Variants in CFAP54 observed in about 807,000 individuals in gnomAD.
CFAP54 encodes cilia- and flagella-associated protein 54.
In CFAP54, 290 loss-of-function variants were observed where a neutral mutation model predicts 370.4. That is an observed-to-expected ratio of 0.78 (90% CI 0.71 to 0.86). The LOEUF (loss-of-function observed/expected upper bound fraction) is 0.86, where lower values mean the gene tolerates loss of function less well. CFAP54 is among the 40% of genes least tolerant of loss of function. CFAP54 has a pLI of 0.00. For synonymous variants in CFAP54, 1,206 were observed against 1,236.5 expected, an observed-to-expected ratio of 0.98 and a Z score of 0.52; for missense variants, 3,399 against 3,528.7, an observed-to-expected ratio of 0.96 and a Z score of 0.93.
chr12:96,656,767 A>G (rs1273977550), intron 36 of CFAP54, among the ~76,000 whole-genome samples: 1 of 152,268 alleles, frequency 6.6e-6, no homozygotes, highest in African/African-American at 2.4e-5. Flanking sequence ...AATAAGGCAT[A>G]GGCATGACTA....
rs1282276089 is a variant in CFAP54, at chr12:96,554,766, C to T, written c.2374C>T (p.His792Tyr). The T allele has an allele frequency of 2.6e-6, 4 of 1,534,694 alleles. No individual in the cohort carries two copies. The highest frequency in any genetic ancestry group is 3.5e-6 in the Non-Finnish European group (4 of 1,146,066). ...GCATCTTGAACTAATTCAAGCTCAGCATCGAATAGCTGTTGTGCTTCTGGA... is the reference window on the plus strand; with the variant it reads ...GCATCTTGAACTAATTCAAGCTCAGTATCGAATAGCTGTTGTGCTTCTGGA... Reference protein sequence around the residue: ...DLHLELIQAQHRIAVVLLDKL... With the variant: ...DLHLELIQAQYRIAVVLLDKL... The change falls in exon 17 of 68, where the codon CAT becomes TAT. Residue 792 changes from histidine to tyrosine, a missense_variant. Around this residue, in one of 3 missense-constraint regions of CFAP54, gnomAD observed 2,796 missense variants for 2,869.7 expected, o/e 0.97. Transcript: ENST00000524981.
chr12:96,572,764 C>T, intron 19 of CFAP54: 3 of 647,846 alleles, frequency 4.6e-6, no homozygotes, highest in Non-Finnish European at 5.7e-6. Flanking sequence ...AGCTCCACTC[C>T]TGGAGATTTC....
chr12:96,653,712 AT>A (rs1449806045), intron 36 of CFAP54, among the ~76,000 whole-genome samples: 64 of 152,136 alleles, frequency 4.2e-4, no homozygotes, highest in African/African-American at 1.5e-3. Flanking sequence ...AAAAGAGCAA[AT>A]TAAATCTAAA....
intron 58 of CFAP54, among the ~76,000 whole-genome samples, chr12:96,760,596 G>T (rs1168102815): frequency 6.6e-6 from 1 of 152,178 alleles, no homozygotes; most frequent in Non-Finnish European, 1.5e-5. Flanking sequence ...GCAGTGGCGT[G>T]ATCTAGGCTC....
At chr12:96,670,421 GT>G (rs1957130859) in intron 39 of CFAP54, among the ~76,000 whole-genome samples, 1 of 152,366 alleles carries the variant, frequency 6.6e-6, no homozygotes, top group African/African-American at 2.4e-5. Context: ...GGAAAAAGAT[GT>G]TGTAAATCTT....
intron 67 of CFAP54, among the ~76,000 whole-genome samples, chr12:96,870,263 G>GAA (rs1229995042): frequency 7.7e-6 from 1 of 129,978 alleles, no homozygotes; most frequent in Non-Finnish European, 1.7e-5. Context: ...CCATCTCAAA[G>GAA]AAAAAAAAAA....
intron 63 of CFAP54, among the ~76,000 whole-genome samples, chr12:96,807,689 T>TA (rs1345889966): frequency 6.6e-6 from 1 of 152,098 alleles, no homozygotes; most frequent in East Asian, 1.9e-4. Context: ...AAGCTGGGAA[T>TA]AGAACTAAGT....
intron 33 of CFAP54, among the ~76,000 whole-genome samples, chr12:96,647,340 G>C (rs57718637): frequency 0.037 from 5,612 of 151,322 alleles, 143 homozygotes; most frequent in African/African-American, 0.077. Flanking sequence ...AGGCGTGGTG[G>C]TGGGCGCCTG....
intron 59 of CFAP54, among the ~76,000 whole-genome samples, chr12:96,764,853 AT>A (rs1958382692): frequency 6.6e-6 from 1 of 152,176 alleles, no homozygotes; most frequent in Non-Finnish European, 1.5e-5. Context: ...ATTTAAAGTG[AT>A]TTATGCATTA....
Position 96,500,830 on chromosome 12 carries a change from A to G in CFAP54, c.318-4A>G. The G allele has an allele frequency of 6.6e-7, 1 of 1,516,868 alleles. No homozygotes were observed. Among genetic ancestry groups the G allele is most frequent in the Non-Finnish European group, 8.8e-7 (1 of 1,137,352 alleles). 94.0% of individuals were successfully genotyped at this position (1,516,868 alleles called of 1,614,324 possible). On this transcript the variant is annotated splice_polypyrimidine_tract_variant and splice_region_variant and intron_variant, in intron 1 of 67. Transcript: ENST00000524981. ...AATGTCGTTTTATTTTATGATTTTT[A>G]CAGTGCCACTTCTTTGTTTAATATC...
chr12:96,554,564 A>C, intron 16 of CFAP54, 112 bp from the exon 17 acceptor site: 1 of 1,184,252 alleles, frequency 8.4e-7, no homozygotes, highest in Non-Finnish European at 1.1e-6. Context: ...AAGTGAGCAG[A>C]ATGTAATGGT....
Position 96,789,914 on chromosome 12 carries a change from C to T in CFAP54, c.8680-2415C>T, listed in dbSNP as rs75754105. Among the ~76,000 whole-genome samples, 981 of 152,240 alleles carry T rather than the reference C, an allele frequency of 6.4e-3. 9 individuals are homozygous for T. Among genetic ancestry groups the T allele is most frequent in the African/African-American group, 0.022 (929 of 41,518 alleles). On this transcript the variant is annotated intron_variant, in intron 62 of 67. Coordinates refer to ENST00000524981, the MANE Select transcript of CFAP54 (RefSeq NM_001306084.2). ...GATTTATATATACATATATAAACTC[C>T]AAGCTTGGCTGATTTTTGTAATAAC... is the stretch of plus-strand genomic sequence containing the variant.
At chr12:96,792,930 C>CTGTGTT (rs1958718062) in intron 63 of CFAP54, among the ~76,000 whole-genome samples, 1 of 151,888 alleles carries the variant, frequency 6.6e-6, no homozygotes, top group Non-Finnish European at 1.5e-5. Flanking sequence ...CTGAGATAAA[C>CTGTGTT]TCAAATTGGT....
intron 58 of CFAP54, among the ~76,000 whole-genome samples, chr12:96,761,928 C>T (rs571823555): frequency 2.2e-4 from 33 of 152,198 alleles, no homozygotes; most frequent in Admixed American, 3.9e-4. Flanking sequence ...CATGTTCCAA[C>T]TATATTCTTC....
At chr12:96,607,952 A>G (rs1180365501) in intron 26 of CFAP54, among the ~76,000 whole-genome samples, 4 of 152,210 alleles carry the variant, frequency 2.6e-5, no homozygotes, top group African/African-American at 7.2e-5. Context: ...GGGCATTTAA[A>G]AAGTATTCTG....
chr12:96,660,682 G>T (rs1956984248), intron 38 of CFAP54, among the ~76,000 whole-genome samples: 1 of 152,172 alleles, frequency 6.6e-6, no homozygotes, highest in African/African-American at 2.4e-5. Context: ...AATCAGTTCT[G>T]CAGTGGACAC....
chr12:96,786,833 G>T lies in CFAP54; in HGVS notation c.8614G>T (p.Glu2872Ter). 6.5e-7 allele frequency: 1 copy of T among 1,535,590 alleles called. No individual in the cohort carries two copies. Among genetic ancestry groups the T allele is most frequent in the South Asian group, 1.2e-5 (1 of 83,976 alleles). ...SSSCIDEFPK[E>*]LLCQLENPPL... ...TTCTTGTATTGATGAATTTCCAAAA[G>T]AACTTCTTTGTCAACTGGAAAATCC... The change falls in exon 62 of 68, where the codon GAA becomes TAA. Residue 2872 changes from glutamate to a stop codon, truncating the protein, a stop_gained. Coordinates refer to ENST00000524981, the MANE Select transcript of CFAP54 (RefSeq NM_001306084.2). LOFTEE classifies it high-confidence loss of function.
chr12:96,774,358 AG>A (rs1405871934), intron 60 of CFAP54, among the ~76,000 whole-genome samples: 1 of 152,166 alleles, frequency 6.6e-6, no homozygotes, highest in Non-Finnish European at 1.5e-5. Context: ...TGTCATAGTT[AG>A]AAAAGTCCTC....
chr12:96,774,498 C>G (rs1460512233), intron 60 of CFAP54, among the ~76,000 whole-genome samples: 1 of 152,028 alleles, frequency 6.6e-6, no homozygotes, highest in African/African-American at 2.4e-5. Context: ...TCTAATTGAT[C>G]TGTCCATTCT....
Sources: allele counts gnomAD v4.1 joint callset (sites outside exome capture counted in the v4.1 genomes callset), GRCh38; gene constraint gnomAD v4.1.1; regional missense constraint gnomAD v4.1.1; transcripts MANE v1.5; gene names NCBI Gene and HGNC (gene_info 2026-07-23, HGNC 2026-07-21).